UBAC2: variants seen among roughly 807,000 people sequenced by gnomAD.
UBAC2 encodes the protein UBA domain containing 2.
In UBAC2, 26 loss-of-function variants were observed where a neutral mutation model predicts 44.0. That is an observed-to-expected ratio of 0.59 (90% CI 0.43 to 0.82). The LOEUF (loss-of-function observed/expected upper bound fraction) is 0.82. Ranked by LOEUF, UBAC2 falls within the 40% of genes least tolerant of loss-of-function variation. The pLI is 0.00. For missense variants in UBAC2, 329 were observed against 419.4 expected, an observed-to-expected ratio of 0.78 and a Z score of 1.88; for synonymous variants, 155 against 154.3, an observed-to-expected ratio of 1.00 and a Z score of -0.04.
intron 1 of UBAC2, among the ~76,000 whole-genome samples, chr13:99,213,660 G>A (rs925927969): frequency 8.6e-5 from 13 of 151,834 alleles, no homozygotes; most frequent in Non-Finnish European, 1.9e-4. Context: ...GCACCCGGTC[G>A]ATTATAACAT....
At chr13:99,201,191 T>G in intron 1 of UBAC2, 1 of 1,397,924 alleles carries the variant, frequency 7.2e-7, no homozygotes, top group Non-Finnish European at 9.3e-7. Flanking sequence ...CCAGGTGCTC[T>G]GCCCAGGAGT....
At chr13:99,220,992 A>G (rs2043046871) in intron 1 of UBAC2, among the ~76,000 whole-genome samples, 1 of 152,184 alleles carries the variant, frequency 6.6e-6, no homozygotes, top group Non-Finnish European at 1.5e-5. Flanking sequence ...GTATAATAAT[A>G]CCACTAGAAT....
At chr13:99,201,294 G>T in intron 1 of UBAC2, 1 of 1,464,118 alleles carries the variant, frequency 6.8e-7, no homozygotes, top group Non-Finnish European at 9.0e-7. Flanking sequence ...TGAAGGAAGG[G>T]GCCGTCCCCC....
intron 8 of UBAC2, among the ~76,000 whole-genome samples, chr13:99,381,980 C>T (rs1434597031): frequency 6.6e-6 from 1 of 152,168 alleles, no homozygotes; most frequent in Non-Finnish European, 1.5e-5. Context: ...AGACCTTTGA[C>T]AACATCTCAT....
At chr13:99,225,594 T>C (rs779676583) in intron 1 of UBAC2, among the ~76,000 whole-genome samples, 5 of 152,246 alleles carry the variant, frequency 3.3e-5, no homozygotes, top group African/African-American at 9.6e-5. Context: ...CCCGCCAGTA[T>C]GTGAGCACCT....
chr13:99,268,413 C>T (rs1177958692), intron 4 of UBAC2, among the ~76,000 whole-genome samples: 1 of 151,904 alleles, frequency 6.6e-6, no homozygotes, highest in Admixed American at 6.6e-5. Flanking sequence ...TGGAGACCAT[C>T]CTGGGCAACA....
chr13:99,323,369 G>A (rs1044994960), intron 6 of UBAC2, among the ~76,000 whole-genome samples: 1 of 152,168 alleles, frequency 6.6e-6, no homozygotes, highest in South Asian at 2.1e-4. Context: ...GGGAGACTGA[G>A]GCAGGTGGAT....
At chr13:99,211,500 GTTA>G (rs530895471) in intron 1 of UBAC2, among the ~76,000 whole-genome samples, 3 of 152,190 alleles carry the variant, frequency 2.0e-5, no homozygotes, top group East Asian at 3.8e-4. Context: ...ATAAGTGTGA[GTTA>G]TTATTGGTTT....
At chr13:99,237,253 C>G (rs1356313566) in intron 1 of UBAC2, among the ~76,000 whole-genome samples, 1 of 71,460 alleles carries the variant, frequency 1.4e-5, no homozygotes, top group African/African-American at 4.4e-5. Flanking sequence ...AAATTTTATG[C>G]GTATATATAT....
chr13:99,347,511 T>A (rs2045009575), intron 7 of UBAC2, among the ~76,000 whole-genome samples: 1 of 151,986 alleles, frequency 6.6e-6, no homozygotes, highest in South Asian at 2.1e-4. Flanking sequence ...TTCTGGGACA[T>A]CACTGTGGTC....
chr13:99,297,341 G>A (rs1164100303), intron 4 of UBAC2, among the ~76,000 whole-genome samples: 1 of 152,076 alleles, frequency 6.6e-6, no homozygotes, highest in Non-Finnish European at 1.5e-5. Flanking sequence ...CCAAAATTAA[G>A]GGGCACTTTC....
At chr13:99,215,254 A>T (rs2042978473) in intron 1 of UBAC2, 1 of 658,398 alleles carries the variant, frequency 1.5e-6, no homozygotes. Context: ...TTGCCCAAAT[A>T]GAATTACAAA....
chr13:99,277,428 G>A (rs1029527171), intron 4 of UBAC2, among the ~76,000 whole-genome samples: 5 of 152,118 alleles, frequency 3.3e-5, no homozygotes, highest in African/African-American at 9.7e-5. Context: ...GGGAGGCTGA[G>A]GCAGGAGAAT....
At chr13:99,270,506 T>C (rs555392705) in intron 4 of UBAC2, among the ~76,000 whole-genome samples, 2 of 152,350 alleles carry the variant, frequency 1.3e-5, no homozygotes, top group African/African-American at 4.8e-5. Context: ...AAGTGTTAGA[T>C]TTTAATTACT....
chr13:99,327,080 A>T lies in UBAC2; in HGVS notation c.561+9011A>T, dbSNP rs147631989. On this transcript the variant is annotated intron_variant, in intron 6 of 8. Transcript: ENST00000403766. ...TAGCTATGCTTTCTCTTCTAAAATC[A>T]TCAAGATATTTAACTGGTCCTCTCT... 4.8e-3 allele frequency among the ~76,000 whole-genome samples: 732 copies of T among 152,328 alleles called. 1 individual carries two copies. The highest frequency in any genetic ancestry group is 7.3e-3 in the Admixed American group (112 of 15,296).
intron 4 of UBAC2, chr13:99,308,629 C>T (rs1303114600): frequency 6.6e-6 from 1 of 152,168 alleles, no homozygotes; most frequent in Non-Finnish European, 1.5e-5. Flanking sequence ...ATCTCAGAAG[C>T]CTTTCTGCTC....
intron 4 of UBAC2, among the ~76,000 whole-genome samples, chr13:99,268,506 G>A (rs1270218246): frequency 6.6e-6 from 1 of 150,902 alleles, no homozygotes; most frequent in Non-Finnish European, 1.5e-5. Context: ...TACCTAGGAG[G>A]CTGAGGTGGG....
intron 1 of UBAC2, among the ~76,000 whole-genome samples, chr13:99,231,758 G>T (rs751201262): frequency 5.9e-5 from 9 of 152,158 alleles, no homozygotes; most frequent in Non-Finnish European, 1.3e-4. Context: ...CTCTTTTGAT[G>T]ATCTATTTTT....
chr13:99,310,397 T>G (rs1435879749), intron 4 of UBAC2, among the ~76,000 whole-genome samples: 1 of 152,240 alleles, frequency 6.6e-6, no homozygotes, highest in African/African-American at 2.4e-5. Flanking sequence ...GCTACCAGCC[T>G]CATCTGCTTA....
Sources: gnomAD v4.1 joint callset for allele counts (sites outside exome capture counted in the v4.1 genomes callset) on GRCh38, gnomAD v4.1.1 for gene constraint, MANE v1.5 for transcripts, NCBI Gene and HGNC (gene_info 2026-07-23, HGNC 2026-07-21) for gene names.